The following PCYT1A variants were observed in gnomAD, a reference collection of about 807,000 sequenced individuals.
The protein encoded by PCYT1A is choline-phosphate cytidylyltransferase A.
Under a neutral mutation model 43.7 loss-of-function variants are expected in PCYT1A, and 25 were observed. The observed-to-expected ratio is 0.57, with a 90% CI of 0.42 to 0.80. The LOEUF is 0.80. Among genes scored for constraint, PCYT1A ranks in the 30% least tolerant of loss-of-function variants. The pLI is 0.00. For missense variants in PCYT1A, 421 were observed against 474.2 expected, an observed-to-expected ratio of 0.89 and a Z score of 1.04; for synonymous variants, 172 against 170.7, an observed-to-expected ratio of 1.01 and a Z score of -0.06.
At position 196,242,759 on chromosome 3, in the gene PCYT1A, ATC is replaced by A; in HGVS notation, c.487-121_487-120del. On this transcript the variant is annotated intron_variant, in intron 5 of 8. Transcript: ENST00000431016. This position sits in a 1 kb window ranked among gnomAD's most constrained non-coding sequence, Gnocchi z 4.2. Reference sequence around the variant, plus strand: ...GAGGCCAGGCCTCAGTGGACTTCATATCTCTCTTTGCTTTGCTCATAAATTCT... The same window carrying A: ...GAGGCCAGGCCTCAGTGGACTTCATATCTCTTTGCTTTGCTCATAAATTCT... The A allele has an allele frequency of 2.8e-6, 2 of 709,020 alleles. No homozygotes were observed. The highest frequency in any genetic ancestry group is 2.2e-5 in the Admixed American group (1 of 45,716). 43.9% of individuals were successfully genotyped at this position (709,020 alleles called of 1,614,324 possible).
chr3:196,244,954 A>G (rs9713212), intron 5 of PCYT1A, among the ~76,000 whole-genome samples: 17,549 of 150,616 alleles, frequency 0.12, 466 homozygotes, highest in South Asian at 0.24. Context: ...CAAACACTGC[A>G]GAAGGCCGCA....
Position 196,247,337 on chromosome 3 carries a change from A to C in PCYT1A, c.486+30T>G. 6.2e-7 allele frequency: 1 copy of C among 1,609,762 alleles called. No homozygotes were observed. Among genetic ancestry groups the C allele is most frequent in the Non-Finnish European group, 8.5e-7 (1 of 1,177,404 alleles). ...TGAGAGTTGAGGGGATTCTGAAACA[A>C]GGAATGGGAATATGTGTCCAGTTTC... On this transcript the variant is annotated intron_variant, in intron 5 of 8. Transcript: ENST00000431016. The surrounding 1 kb of genome is among the most constrained non-coding windows in gnomAD (Gnocchi z 4.8).
chr3:196,267,481 G>A lies in PCYT1A; in HGVS notation c.117+2934C>T, dbSNP rs377649700. On this transcript the variant is annotated intron_variant, in intron 2 of 8. Transcript: ENST00000431016. The stretch of plus-strand genomic sequence containing the variant: ...CTGTAATCCCACACTGTGGCAGGCT[G>A]AGGCAGGAGAATCGCTTGATCCAGG... 22 of 347,164 alleles carry A rather than the reference G, an allele frequency of 6.3e-5. No individual in the cohort carries two copies. The East Asian group carries it at 8.6e-4, about 14-fold the overall frequency. The allele number at this position is 347,164 out of a possible 1,614,324, so 21.5% of individuals were successfully genotyped here.
chr3:196,244,131 C>A (rs1335263627), intron 5 of PCYT1A, among the ~76,000 whole-genome samples: 3 of 149,576 alleles, frequency 2.0e-5, no homozygotes, highest in Non-Finnish European at 3.0e-5. Flanking sequence ...TGAGGAGCGC[C>A]TCTGCCAGGC....
chr3:196,253,336 C>CAAAAA (rs60342446), intron 3 of PCYT1A, among the ~76,000 whole-genome samples: 1 of 105,992 alleles, frequency 9.4e-6, no homozygotes, highest in Non-Finnish European at 1.9e-5. Context: ...GACTCTGTCT[C>CAAAAA]AAAAAAAAAA....
intron 1 of PCYT1A, among the ~76,000 whole-genome samples, chr3:196,285,245 G>A (rs914239474): frequency 1.3e-5 from 2 of 152,152 alleles, no homozygotes; most frequent in Non-Finnish European, 2.9e-5. Flanking sequence ...GATCACCTAA[G>A]CTCGGAAGTT....
At chr3:196,281,063 A>G (rs1400379186) in intron 1 of PCYT1A, among the ~76,000 whole-genome samples, 1 of 152,184 alleles carries the variant, frequency 6.6e-6, no homozygotes, top group Admixed American at 6.5e-5. Flanking sequence ...CTAGGCCTAC[A>G]TTATCTTCCC....
At chr3:196,245,360 G>A (rs1455397022) in intron 5 of PCYT1A, among the ~76,000 whole-genome samples, 4 of 152,070 alleles carry the variant, frequency 2.6e-5, no homozygotes, top group Admixed American at 6.6e-5. Flanking sequence ...GGCTGGTCAC[G>A]AACTCCTGAC....
chr3:196,235,334 T>G lies in PCYT1A; in HGVS notation c.*3354A>C, dbSNP rs1403226427. On this transcript the variant is annotated 3_prime_UTR_variant, in exon 9 of 9. Coordinates refer to ENST00000431016, the MANE Select transcript of PCYT1A (RefSeq NM_001312673.2). This position sits in a 1 kb window ranked among gnomAD's most constrained non-coding sequence, Gnocchi z 4.3. The stretch of plus-strand genomic sequence containing the variant: ...CAGCCTCCAAAAACACCACCATCAC[T>G]CAGGTGCAGCCTAAGGAGTCATCAG... The G allele has an allele frequency of 1.3e-5, 2 of 152,166 alleles. No individual in the cohort carries two copies. Among genetic ancestry groups the G allele is most frequent in the Non-Finnish European group, 2.9e-5 (2 of 68,056 alleles). 9.4% of individuals were successfully genotyped at this position (152,166 alleles called of 1,614,324 possible). A position where few individuals can be genotyped will look rare whatever the true frequency, so the allele number is the denominator to read the frequency against.
At chr3:196,239,501 T>C in intron 8 of PCYT1A, 46 bp downstream of exon 8, 1 of 1,268,736 alleles carries the variant, frequency 7.9e-7, no homozygotes, top group Non-Finnish European at 1.1e-6. Flanking sequence ...TGTCATTCTT[T>C]CCACAACATG....
intron 5 of PCYT1A, among the ~76,000 whole-genome samples, chr3:196,243,774 G>A (rs1302211423): frequency 2.6e-5 from 4 of 152,390 alleles, no homozygotes; most frequent in African/African-American, 7.2e-5. Context: ...AACCGCGAGT[G>A]ATCCGCCAGC....
chr3:196,268,124 T>TA lies in PCYT1A; in HGVS notation c.117+2290_117+2291insT, dbSNP rs879730737. ...AAGCATTAAGACTCCCCAGAAGAAT[T>TA]TAAAAAAAAAAAAGATTCCCAGAGT... On this transcript the variant is annotated intron_variant, in intron 2 of 8. Transcript: ENST00000431016. The surrounding 1 kb of genome is among the most constrained non-coding windows in gnomAD (Gnocchi z 4.4). Among the ~76,000 whole-genome samples, 1,333 of 123,066 alleles carry TA rather than the reference T, an allele frequency of 0.011. 21 individuals carry two copies. Among genetic ancestry groups the TA allele is most frequent in the African/African-American group, 0.041 (1,241 of 30,230 alleles). 80.7% of individuals were successfully genotyped at this position (123,066 alleles called of 152,430 possible). A position where few individuals can be genotyped will look rare whatever the true frequency, so the allele number is the denominator to read the frequency against.
rs199558523 is a variant in PCYT1A, at chr3:196,238,906, G to A, written c.898-12C>T. 63 of 1,392,672 alleles carry A rather than the reference G, an allele frequency of 4.5e-5. No individual in the cohort carries two copies. Among genetic ancestry groups the A allele is most frequent in the Admixed American group, 2.5e-4 (7 of 28,174 alleles). 86.3% of individuals were successfully genotyped at this position (1,392,672 alleles called of 1,614,324 possible). A position where few individuals can be genotyped will look rare whatever the true frequency, so the allele number is the denominator to read the frequency against. ...TTCAGCATATGTTTCTGCAGAAACC[G>A]AAAGGAAGAGTCAGAAAAACACCGT... On this transcript the variant is annotated splice_polypyrimidine_tract_variant and intron_variant, in intron 8 of 8. Coordinates refer to ENST00000431016, the MANE Select transcript of PCYT1A (RefSeq NM_001312673.2).
At chr3:196,239,993 T>C (rs1724302073) in intron 7 of PCYT1A, 1 of 429,428 alleles carries the variant, frequency 2.3e-6, no homozygotes, top group Non-Finnish European at 4.1e-6. Flanking sequence ...AACAGGCACG[T>C]AGCCAAATAA....
chr3:196,286,980 A>G (rs1725932127), intron 1 of PCYT1A, among the ~76,000 whole-genome samples: 1 of 152,256 alleles, frequency 6.6e-6, no homozygotes, highest in South Asian at 2.1e-4. Flanking sequence ...AATACTAGGA[A>G]GAAACCCATA....
At position 196,270,482 on chromosome 3, in the gene PCYT1A, T is replaced by C. The variant is rs1338129212; in HGVS notation, c.50A>G (p.Glu17Gly). 1.2e-6 allele frequency: 2 copies of C among 1,614,172 alleles called. No homozygotes were observed. The highest frequency in any genetic ancestry group is 3.3e-5 in the Admixed American group (2 of 60,024). ...AKVNARKRRK[E>G]APGPNGATEE... Reference sequence around the variant, plus strand: ...TGTTGCCCCGTTGGGTCCGGGCGCCTCTTTTCTCCTCTTCCTTGCATTGAC... The same window carrying C: ...TGTTGCCCCGTTGGGTCCGGGCGCCCCTTTTCTCCTCTTCCTTGCATTGAC... Residue 17 changes from glutamate (E) to glycine (G), a missense_variant, in exon 2 of 9, where the codon GAG becomes GGG. Physicochemically the swap from Glu to Gly is moderately conservative, Grantham distance 98. Transcript: ENST00000431016.
chr3:196,252,554 T>C lies in PCYT1A; in HGVS notation c.218-4231A>G, dbSNP rs550739024. 2.2e-4 allele frequency among the ~76,000 whole-genome samples: 33 copies of C among 152,364 alleles called. No individual in the cohort carries two copies. Among genetic ancestry groups the C allele is most frequent in the African/African-American group, 7.7e-4 (32 of 41,588 alleles). On this transcript the variant is annotated intron_variant, in intron 3 of 8. Transcript: ENST00000431016. The surrounding 1 kb of genome is among the most constrained non-coding windows in gnomAD (Gnocchi z 4.0). Reference sequence around the variant, plus strand: ...CCATGCCCAGCCCAGGCTGGTTGTATTGATTTTATAATACAGGAAATAAAA... The same window carrying C: ...CCATGCCCAGCCCAGGCTGGTTGTACTGATTTTATAATACAGGAAATAAAA...
intron 3 of PCYT1A, among the ~76,000 whole-genome samples, chr3:196,250,915 G>A (rs1724751527): frequency 6.6e-6 from 1 of 151,750 alleles, no homozygotes; most frequent in African/African-American, 2.4e-5. Context: ...GATACACCAT[G>A]CTGAGGCTGA....
Position 196,242,063 on chromosome 3 carries a change from T to C in PCYT1A, c.593A>G (p.Glu198Gly), listed in dbSNP as rs1724374826. ...GATGATGTCTGATGTGGAGATACCT[T>C]CTGTCCTCTGTGTTGGAGCAAACAT... is the stretch of plus-strand genomic sequence containing the variant. Reference protein sequence around the residue: ...AGMFAPTQRTEGISTSDIITR... With the variant: ...AGMFAPTQRTGGISTSDIITR... The change falls in exon 7 of 9, where the codon GAA (glutamate) becomes GGA (glycine). Residue 198 changes from glutamate (E) to glycine (G), a missense_variant. Physicochemically the swap from Glu to Gly is moderately conservative, Grantham distance 98. Coordinates refer to ENST00000431016, the MANE Select transcript of PCYT1A (RefSeq NM_001312673.2). The surrounding 1 kb of genome is among the most constrained non-coding windows in gnomAD (Gnocchi z 4.2). 1 of 1,614,124 alleles carries C rather than the reference T, an allele frequency of 6.2e-7. No individual in the cohort carries two copies. Among genetic ancestry groups the C allele is most frequent in the East Asian group, 2.2e-5 (1 of 44,894 alleles).
Sources: allele counts gnomAD v4.1 joint callset (sites outside exome capture counted in the v4.1 genomes callset), GRCh38; gene constraint gnomAD v4.1.1; non-coding constraint Gnocchi (gnomAD v3.1); transcripts MANE v1.5; gene names NCBI Gene and HGNC (gene_info 2026-07-23, HGNC 2026-07-21).